The following CSMD1 variants were observed in gnomAD, a reference collection of about 807,000 sequenced individuals.
The protein encoded by CSMD1 is CUB and Sushi multiple domains 1, also known as CUB and sushi domain-containing protein 1.
A neutral mutation model predicts 417.5 loss-of-function variants in CSMD1; 213 were observed. That is an observed-to-expected ratio of 0.51 (90% CI 0.46 to 0.57). The LOEUF is 0.57. Among genes scored for constraint, CSMD1 ranks in the 20% least tolerant of loss-of-function variants. The pLI is 0.00. For synonymous variants in CSMD1, 2,862 were observed against 1,736.8 expected, an observed-to-expected ratio of 1.65 and a Z score of -16.11; for missense variants, 6,923 against 4,529.7, an observed-to-expected ratio of 1.53 and a Z score of -15.17.
At chr8:3,452,808 G>C (rs1815836353) in intron 12 of CSMD1, among the ~76,000 whole-genome samples, 1 of 152,134 alleles carries the variant, frequency 6.6e-6, no homozygotes, top group Non-Finnish European at 1.5e-5. Flanking sequence ...CCAGGCTTTG[G>C]TATCAGGATG....
chr8:2,938,012 G>A lies in CSMD1; in HGVS notation c.*573C>T, dbSNP rs1801612296. 6.5e-6 allele frequency: 1 copy of A among 152,672 alleles called. No individual in the cohort carries two copies. The highest frequency in any genetic ancestry group is 6.5e-5 in the Admixed American group (1 of 15,284). 9.5% of individuals were successfully genotyped at this position (152,672 alleles called of 1,614,324 possible). ...ACATCCCTAGAGATGAACACACAGG[G>A]GAGCTGTGAGGTCCTCAAAGCTTGT... On this transcript the variant is annotated 3_prime_UTR_variant, in exon 70 of 70. Transcript: ENST00000635120.
In CSMD1 at chr8:4,301,042, A is replaced by G. The variant is rs182286748; in HGVS notation, c.415+118911T>C. Among the ~76,000 whole-genome samples the G allele has an allele frequency of 6.7e-4, 102 of 152,300 alleles. 1 individual carries two copies. Among genetic ancestry groups the G allele is most frequent in the African/African-American group, 2.4e-3 (100 of 41,562 alleles). On this transcript the variant is annotated intron_variant, in intron 3 of 69. Coordinates refer to ENST00000635120, the MANE Select transcript of CSMD1 (RefSeq NM_033225.6). ...AGCATGATAAGATTAGGAAACAAAA[A>G]GAAGTCAGAAGGAGCCAAATCAGGA...
chr8:4,432,313 A>G (rs972965514), intron 2 of CSMD1, among the ~76,000 whole-genome samples: 4 of 152,188 alleles, frequency 2.6e-5, no homozygotes, highest in African/African-American at 9.6e-5. Context: ...GAGACTAGGC[A>G]GCTTAAGTAA....
At chr8:4,199,484 T>C (rs116295536) in intron 3 of CSMD1, among the ~76,000 whole-genome samples, 1,843 of 152,198 alleles carry the variant, frequency 0.012, 31 homozygotes, top group African/African-American at 0.04. Context: ...AAAAGGCAAA[T>C]AGGAATATGG....
At chr8:3,063,687 A>G (rs1255255939) in intron 49 of CSMD1, among the ~76,000 whole-genome samples, 1 of 152,218 alleles carries the variant, frequency 6.6e-6, no homozygotes, top group African/African-American at 2.4e-5. Flanking sequence ...ACATGCTACA[A>G]CATGATGATC....
At chr8:4,187,441 A>C (rs1015245856) in intron 3 of CSMD1, among the ~76,000 whole-genome samples, 4 of 152,074 alleles carry the variant, frequency 2.6e-5, no homozygotes, top group African/African-American at 9.7e-5. Flanking sequence ...GAGGTCAGGA[A>C]GAGACCAGCC....
intron 5 of CSMD1, among the ~76,000 whole-genome samples, chr8:3,831,274 C>T (rs776029901): frequency 6.6e-6 from 1 of 152,126 alleles, no homozygotes; most frequent in Non-Finnish European, 1.5e-5. Context: ...TATTCCTGCT[C>T]GTCAGGGGAG....
At chr8:4,234,343 C>T (rs964715112) in intron 3 of CSMD1, among the ~76,000 whole-genome samples, 5 of 152,108 alleles carry the variant, frequency 3.3e-5, no homozygotes, top group African/African-American at 4.8e-5. Flanking sequence ...GGCCGAGGCT[C>T]CTGAAGCAGC....
chr8:3,567,005 G>A (rs1383934364), intron 10 of CSMD1, among the ~76,000 whole-genome samples: 1 of 152,194 alleles, frequency 6.6e-6, no homozygotes, highest in Non-Finnish European at 1.5e-5. Flanking sequence ...ATTGACAATA[G>A]AAAATACATG....
chr8:3,624,533 T>C (rs976610944), intron 7 of CSMD1, among the ~76,000 whole-genome samples: 4 of 152,348 alleles, frequency 2.6e-5, no homozygotes, highest in East Asian at 3.9e-4. Flanking sequence ...GATGTACAGA[T>C]GTATTTCAGT....
At chr8:3,451,034 G>A (rs1815677321) in intron 12 of CSMD1, among the ~76,000 whole-genome samples, 1 of 152,184 alleles carries the variant, frequency 6.6e-6, no homozygotes, top group African/African-American at 2.4e-5. Context: ...GTGTCTCATT[G>A]TGGTTTTGAT....
At chr8:4,076,627 C>T (rs570501551) in intron 3 of CSMD1, among the ~76,000 whole-genome samples, 1 of 152,084 alleles carries the variant, frequency 6.6e-6, no homozygotes. Flanking sequence ...TGCCTGTTAC[C>T]TTTATTATAA....
chr8:3,205,616 G>A lies in CSMD1; in HGVS notation c.4872C>T (p.Pro1624=), dbSNP rs1227714229. The A allele has an allele frequency of 5.3e-6, 8 of 1,517,824 alleles. No individual in the cohort carries two copies. The highest frequency in any genetic ancestry group is 2.3e-5 in the East Asian group (1 of 43,416). 94.0% of individuals were successfully genotyped at this position (1,517,824 alleles called of 1,614,324 possible). The change falls in exon 31 of 70, where the codon CCC becomes CCT. Residue 1624 remains proline (P), a synonymous_variant. Transcript: ENST00000635120. Reference sequence around the variant, plus strand: ...CTGATCCCGTGTACTGGCCTCCACAGGGAGCTGAAAATAAAATCAACCGAG... The same window carrying A: ...CTGATCCCGTGTACTGGCCTCCACAAGGAGCTGAAAATAAAATCAACCGAG... ...WDQVLPSCNA[P]CGGQYTGSEG...
chr8:3,352,111 G>T (rs552624065), intron 21 of CSMD1, among the ~76,000 whole-genome samples: 3 of 152,176 alleles, frequency 2.0e-5, no homozygotes, highest in African/African-American at 7.2e-5. Flanking sequence ...ACTTGACACC[G>T]CAGCCGTGTT....
At chr8:4,128,363 T>G (rs17069064) in intron 3 of CSMD1, among the ~76,000 whole-genome samples, 1 of 152,178 alleles carries the variant, frequency 6.6e-6, no homozygotes, top group East Asian at 1.9e-4. Flanking sequence ...TAAAAACTTA[T>G]GTGGATGGTA....
intron 1 of CSMD1, among the ~76,000 whole-genome samples, chr8:4,803,123 AT>A (rs532519424): frequency 2.6e-5 from 4 of 152,120 alleles, no homozygotes; most frequent in Admixed American, 6.5e-5. Flanking sequence ...CATGTATATG[AT>A]TTTTTTGCCC....
intron 18 of CSMD1, among the ~76,000 whole-genome samples, chr8:3,378,199 G>C (rs1485179023): frequency 6.6e-6 from 1 of 152,188 alleles, no homozygotes; most frequent in Non-Finnish European, 1.5e-5. Context: ...GCTAAACCAG[G>C]AAGAAGTCGA....
At chr8:3,399,817 C>A (rs540460523) in intron 15 of CSMD1, among the ~76,000 whole-genome samples, 106 of 152,266 alleles carry the variant, frequency 7.0e-4, no homozygotes, top group African/African-American at 2.2e-3. Context: ...AACTGCTAAC[C>A]ATTTCATTAC....
intron 26 of CSMD1, among the ~76,000 whole-genome samples, chr8:3,236,345 C>A (rs750957571): frequency 6.6e-6 from 1 of 151,720 alleles, no homozygotes; most frequent in African/African-American, 2.4e-5. Flanking sequence ...TTAAACAAAC[C>A]CCCAAACACT....
Sources: allele counts gnomAD v4.1 joint callset (sites outside exome capture counted in the v4.1 genomes callset), GRCh38; gene constraint gnomAD v4.1.1; transcripts MANE v1.5; gene names NCBI Gene and HGNC (gene_info 2026-07-23, HGNC 2026-07-21).